Variants in RDH5 observed in about 807,000 individuals in gnomAD.
The protein encoded by RDH5 is 11-cis RDH.
Under a neutral mutation model 24.0 loss-of-function variants are expected in RDH5, and 25 were observed. The observed-to-expected ratio is 1.04, with a 90% CI of 0.76 to 1.46. The LOEUF (loss-of-function observed/expected upper bound fraction) is 1.46. Among genes scored for constraint, RDH5 ranks in the 40% most tolerant of loss-of-function variants. The pLI is 0.00. For missense variants in RDH5, 369 were observed against 410.3 expected, an observed-to-expected ratio of 0.90 and a Z score of 0.87; for synonymous variants, 170 against 175.2, an observed-to-expected ratio of 0.97 and a Z score of 0.23.
Position 55,724,513 on chromosome 12 carries a change from G to A in RDH5, c.925G>A (p.Val309Ile). ...ASLVDAVLTW[V>I]LPKPAQAVY Reference sequence around the variant, plus strand: ...CCTGGTGGATGCTGTGCTCACCTGGGTCCTTCCCAAGCCTGCCCAAGCAGT... The same window carrying A: ...CCTGGTGGATGCTGTGCTCACCTGGATCCTTCCCAAGCCTGCCCAAGCAGT... Residue 309 changes from valine to isoleucine, a missense_variant, in exon 5 of 5, where the codon GTC (valine) becomes ATC (isoleucine). By Grantham distance (29) the Val-to-Ile change is conservative (BLOSUM62 3). Transcript: ENST00000257895. The A allele has an allele frequency of 1.2e-6, 2 of 1,612,838 alleles. No homozygotes were observed. Among genetic ancestry groups the A allele is most frequent in the South Asian group, 1.1e-5 (1 of 91,084 alleles).
At position 55,721,513 on chromosome 12, in the gene RDH5, C is replaced by T. The variant is rs765942996; in HGVS notation, c.310+19C>T. Reference sequence around the variant, plus strand: ...GAAGCAGGTAAGTATGGTAGACCACCAGGAATATGGTGTGGGGTGTCCTGA... The same window carrying T: ...GAAGCAGGTAAGTATGGTAGACCACTAGGAATATGGTGTGGGGTGTCCTGA... On this transcript the variant is annotated intron_variant, in intron 2 of 4. Coordinates refer to ENST00000257895, the MANE Select transcript of RDH5 (RefSeq NM_002905.5). This position sits in a 1 kb window ranked among gnomAD's most constrained non-coding sequence, Gnocchi z 4.7. 6.2e-7 allele frequency: 1 copy of T among 1,602,608 alleles called. No individual in the cohort carries two copies.
chr12:55,724,183 C>T (rs771310409), intron 4 of RDH5, 134 bp downstream of exon 4: 469 of 1,447,870 alleles, frequency 3.2e-4, no homozygotes, highest in Non-Finnish European at 4.2e-4. Context: ...TACAAGAGTG[C>T]CCAGGCCATG....
chr12:55,720,631 TC>T (rs2136138078), intron 1 of RDH5, 114 bp downstream of exon 1: 1 of 154,854 alleles, frequency 6.5e-6, no homozygotes, highest in East Asian at 1.9e-4. Context: ...TCCCCTTTGA[TC>T]CTCCACAACT....
intron 3 of RDH5, 167 bp downstream of exon 3, chr12:55,722,114 C>T (rs1339286903): frequency 5.9e-6 from 4 of 679,048 alleles, no homozygotes; most frequent in East Asian, 5.5e-5. Flanking sequence ...GCTTTGTGAC[C>T]ATAAGTAGAT....
rs374396209 is a variant in RDH5, at chr12:55,722,994, T to TTTTGAGACTTTTAG, written c.570-884_570-883insTTTTAGTTTGAGAC. 155 of 152,342 alleles carry TTTTGAGACTTTTAG rather than the reference T, an allele frequency of 1.0e-3. 1 individual carries two copies. The highest frequency in any genetic ancestry group is 3.6e-3 in the African/African-American group (148 of 41,574). The allele number at this position is 152,342 out of a possible 1,614,324, so 9.4% of individuals were successfully genotyped here. On this transcript the variant is annotated intron_variant, in intron 3 of 4. Coordinates refer to ENST00000257895, the MANE Select transcript of RDH5 (RefSeq NM_002905.5). ...AGCATCATGGGACACATACTTTTAG[T>TTTTGAGACTTTTAG]TTTGAGACAAGGCCTTGCTCTCACC...
At chr12:55,723,856 C>T (rs764111236) in intron 3 of RDH5, 30 bp from the exon 4 acceptor site, 2 of 1,611,042 alleles carry the variant, frequency 1.2e-6, no homozygotes, top group South Asian at 1.1e-5. Flanking sequence ...AGGGCAAGAA[C>T]CCAGCAACTT....
In RDH5 at chr12:55,724,394, A is replaced by G. The variant is rs1428192131; in HGVS notation, c.806A>G (p.Glu269Gly). The G allele has an allele frequency of 1.9e-6, 3 of 1,614,188 alleles. No homozygotes were observed. Among genetic ancestry groups the G allele is most frequent in the Non-Finnish European group, 2.5e-6 (3 of 1,180,028 alleles). Residue 269 changes from glutamate (E) to glycine (G), a missense_variant, in exon 5 of 5, where the codon GAG (glutamate) becomes GGG (glycine). Coordinates refer to ENST00000257895, the MANE Select transcript of RDH5 (RefSeq NM_002905.5). Reference protein sequence around the residue: ...PDLTKVSRCLEHALTARHPRT... With the variant: ...PDLTKVSRCLGHALTARHPRT... ...CTAACCAAGGTGAGCCGATGCCTGG[A>G]GCATGCCCTGACTGCTCGACACCCC...
At position 55,721,915 on chromosome 12, in the gene RDH5, A is replaced by G. The variant is rs769568052; in HGVS notation, c.537A>G (p.Lys179=). Residue 179 remains lysine (K), a synonymous_variant, in exon 3 of 5, where the codon AAA becomes AAG. Coordinates refer to ENST00000257895, the MANE Select transcript of RDH5 (RefSeq NM_002905.5). This position sits in a 1 kb window ranked among gnomAD's most constrained non-coding sequence, Gnocchi z 4.7. ...ATGGTGGGGGCTACTGTGTCTCCAA[A>G]TTTGGCCTGGAGGCCTTCTCTGACA... ...AANGGGYCVS[K]FGLEAFSDSL... is the part of the protein sequence containing the mutation. The G allele has an allele frequency of 1.9e-6, 3 of 1,613,402 alleles. No individual in the cohort carries two copies. In the East Asian group the frequency reaches 6.7e-5, roughly 36 times the overall value.
chr12:55,724,671 T>C lies in RDH5; in HGVS notation c.*126T>C. 1.0e-6 allele frequency: 1 copy of C among 967,988 alleles called. No homozygotes were observed. The highest frequency in any genetic ancestry group is 1.4e-5 in the South Asian group (1 of 72,648). The allele number at this position is 967,988 out of a possible 1,614,324, so 60.0% of individuals were successfully genotyped here. A position where few individuals can be genotyped will look rare whatever the true frequency, so the allele number is the denominator to read the frequency against. Reference sequence around the variant, plus strand: ...TAACAAAAGTGTATTGTTTAAAAAATAAAAAGAAGGTGGGCAGAAATGTGC... The same window carrying C: ...TAACAAAAGTGTATTGTTTAAAAAACAAAAAGAAGGTGGGCAGAAATGTGC... On this transcript the variant is annotated 3_prime_UTR_variant, in exon 5 of 5. Transcript: ENST00000257895.
rs1323879659 is a variant in RDH5 at position 55,721,152 on chromosome 12, G to A, written c.-32-1G>A. The A allele has an allele frequency of 1.2e-6, 2 of 1,610,494 alleles. No individual in the cohort carries two copies. Among genetic ancestry groups the A allele is most frequent in the African/African-American group, 1.3e-5 (1 of 74,884 alleles). On this transcript the variant is annotated splice_acceptor_variant, in intron 1 of 4. Transcript: ENST00000257895. LOFTEE classifies it low-confidence loss of function (5UTR_SPLICE). The surrounding 1 kb of genome is among the most constrained non-coding windows in gnomAD (Gnocchi z 4.7). Reference sequence around the variant, plus strand: ...TGGACAAGTTTTTCTGCCCAGCCTAGGCTGCCACCTGTAGGTCACTTGGGC... The same window carrying A: ...TGGACAAGTTTTTCTGCCCAGCCTAAGCTGCCACCTGTAGGTCACTTGGGC...
intron 1 of RDH5, chr12:55,720,749 A>C (rs978413451): frequency 9.6e-6 from 2 of 208,580 alleles, no homozygotes; most frequent in African/African-American, 2.3e-5. Flanking sequence ...GGCCCTATAC[A>C]TCATTCCAAA....
rs1876900610 is a variant in RDH5 at position 55,721,265 on chromosome 12, C to T, written c.81C>T (p.Ser27=). ...LLRDRQSLPA[S]NAFVFITGCD... is the part of the protein sequence containing the mutation. Reference sequence around the variant, plus strand: ...GGGACCGGCAGAGCCTGCCCGCCAGCAATGCCTTTGTCTTCATCACCGGCT... The same window carrying T: ...GGGACCGGCAGAGCCTGCCCGCCAGTAATGCCTTTGTCTTCATCACCGGCT... Residue 27 remains serine, a synonymous_variant, in exon 2 of 5, where the codon AGC becomes AGT. Transcript: ENST00000257895. The surrounding 1 kb of genome is among the most constrained non-coding windows in gnomAD (Gnocchi z 4.7). The T allele has an allele frequency of 6.2e-7, 1 of 1,614,118 alleles. No individual in the cohort carries two copies. The highest frequency in any genetic ancestry group is 8.5e-7 in the Non-Finnish European group (1 of 1,180,034).
Position 55,721,756 on chromosome 12 carries a change from G to A in RDH5, c.378G>A (p.Arg126=), listed in dbSNP as rs1456294315. The part of the protein sequence containing the change: ...GIIGPTPWLT[R]DDFQRVLNVN... Reference sequence around the variant, plus strand: ...TCGGACCCACACCATGGCTGACCCGGGACGATTTCCAGCGGGTGCTGAATG... The same window carrying A: ...TCGGACCCACACCATGGCTGACCCGAGACGATTTCCAGCGGGTGCTGAATG... The change falls in exon 3 of 5, where the codon CGG becomes CGA. Residue 126 remains arginine (R), a synonymous_variant. Transcript: ENST00000257895. The surrounding 1 kb of genome is among the most constrained non-coding windows in gnomAD (Gnocchi z 4.7). 3 of 1,613,750 alleles carry A rather than the reference G, an allele frequency of 1.9e-6. No homozygotes were observed. Among genetic ancestry groups the A allele is most frequent in the African/African-American group, 1.3e-5 (1 of 74,920 alleles).
At chr12:55,723,804 T>G in intron 3 of RDH5, 82 bp from the exon 4 acceptor site, 2 of 1,538,088 alleles carry the variant, frequency 1.3e-6, no homozygotes, top group Non-Finnish European at 1.8e-6. Context: ...GTGGTAACTT[T>G]CTCAGCTCCC....
At position 55,724,574 on chromosome 12, in the gene RDH5, T is replaced by TCAAGGA. The variant is rs1025126187; in HGVS notation, c.*37_*42dup. On this transcript the variant is annotated 3_prime_UTR_variant, in exon 5 of 5. Transcript: ENST00000257895. ...CAGCCTTCCAGCAAGAGATTGTTTTTCAAGGACAAGGACTTTGATTTATTT... is the reference window on the plus strand; with the variant it reads ...CAGCCTTCCAGCAAGAGATTGTTTTTCAAGGACAAGGACAAGGACTTTGATTTATTT... 8 of 1,595,998 alleles carry TCAAGGA rather than the reference T, an allele frequency of 5.0e-6. No individual in the cohort carries two copies. In the African/African-American group the frequency reaches 1.1e-4, roughly 21 times the overall value.
In RDH5 at chr12:55,721,380, G is replaced by A. The variant is rs140046452; in HGVS notation, c.196G>A (p.Glu66Lys). ...LASCLTPSGA[E>K]DLQRVASSRL... ...CAGCTGCCTGACCCCCTCCGGGGCC[G>A]AGGACCTGCAGCGGGTGGCCTCCTC... Residue 66 changes from glutamate to lysine, a missense_variant, in exon 2 of 5, where the codon GAG becomes AAG. Transcript: ENST00000257895. This position sits in a 1 kb window ranked among gnomAD's most constrained non-coding sequence, Gnocchi z 4.7. 6.1e-5 allele frequency: 99 copies of A among 1,613,856 alleles called. No individual in the cohort carries two copies. The highest frequency in any genetic ancestry group is 1.8e-4 in the Admixed American group (11 of 60,008).
At position 55,721,762 on chromosome 12, in the gene RDH5, T is replaced by C. The variant is rs1375072872; in HGVS notation, c.384T>C (p.Asp128=). ...CCACACCATGGCTGACCCGGGACGA[T>C]TTCCAGCGGGTGCTGAATGTGAACA... ...IGPTPWLTRD[D]FQRVLNVNTM... Residue 128 remains aspartate (D), a synonymous_variant, in exon 3 of 5, where the codon GAT becomes GAC. Coordinates refer to ENST00000257895, the MANE Select transcript of RDH5 (RefSeq NM_002905.5). This position sits in a 1 kb window ranked among gnomAD's most constrained non-coding sequence, Gnocchi z 4.7. The C allele has an allele frequency of 1.2e-6, 2 of 1,613,936 alleles. No individual in the cohort carries two copies. The highest frequency in any genetic ancestry group is 1.7e-5 in the Admixed American group (1 of 60,026).
Sources: allele counts gnomAD v4.1 joint callset, GRCh38; gene constraint gnomAD v4.1.1; non-coding constraint Gnocchi (gnomAD v3.1); transcripts MANE v1.5; gene names NCBI Gene and HGNC (gene_info 2026-07-23, HGNC 2026-07-21).